Variants in SH3KBP1 observed in about 807,000 individuals in gnomAD.
SH3KBP1 encodes the protein SH3 domain containing kinase binding protein 1.
In SH3KBP1, 8 loss-of-function variants were observed where a neutral mutation model predicts 50.1. The observed-to-expected ratio is 0.16, with a 90% CI of 0.09 to 0.29. SH3KBP1 has a LOEUF of 0.29. Among genes scored for constraint, SH3KBP1 ranks in the 10% least tolerant of loss-of-function variants. The probability of loss-of-function intolerance (pLI) is 1.00; values close to 1 mark genes in which losing one functional copy is unlikely to be tolerated. For synonymous variants in SH3KBP1, 227 were observed against 218.6 expected (o/e 1.04, Z -0.34); for missense variants, 377 against 535.2 (o/e 0.70, Z 2.92).
intron 8 of SH3KBP1, among the ~76,000 whole-genome samples, chrX:19,628,263 C>A (rs182425407): frequency 1.6e-3 from 175 of 112,173 alleles, no homozygotes; most frequent in African/African-American, 5.3e-3. Context: ...GGCTCAGACA[C>A]AACAGCCCTT....
chrX:19,807,733 G>T (rs1396966240), intron 2 of SH3KBP1, among the ~76,000 whole-genome samples: 2 of 112,196 alleles, frequency 1.8e-5, no homozygotes, highest in African/African-American at 6.5e-5. Context: ...TCACAGAAAG[G>T]GCACTCAGTG....
chrX:19,632,628 G>C (rs1446488278), intron 7 of SH3KBP1, among the ~76,000 whole-genome samples: 1 of 112,599 alleles, frequency 8.9e-6, no homozygotes, highest in East Asian at 2.8e-4. Context: ...TCAGCAAAGA[G>C]ATGCAATAGC....
intron 4 of SH3KBP1, among the ~76,000 whole-genome samples, chrX:19,703,344 A>T (rs1210061869): frequency 9.0e-6 from 1 of 111,321 alleles, no homozygotes; most frequent in African/African-American, 3.3e-5. Context: ...ACTGTTGCCA[A>T]ATTTGGTGTG....
intron 2 of SH3KBP1, among the ~76,000 whole-genome samples, chrX:19,761,496 T>C (rs2148864031): frequency 9.0e-6 from 1 of 111,439 alleles, no homozygotes; most frequent in African/African-American, 3.3e-5. Flanking sequence ...AATATCAACA[T>C]TGCTACATTA....
chrX:19,875,775 G>A (rs1814356520), intron 1 of SH3KBP1, among the ~76,000 whole-genome samples: 1 of 112,632 alleles, frequency 8.9e-6, no homozygotes, highest in South Asian at 3.6e-4. Context: ...CAGGCATTTG[G>A]AACTGTGGCA....
chrX:19,673,749 A>G (rs1454927835), intron 6 of SH3KBP1, among the ~76,000 whole-genome samples: 1 of 111,127 alleles, frequency 9.0e-6, no homozygotes, highest in Non-Finnish European at 1.9e-5. Flanking sequence ...CAACTTGCCC[A>G]CCCACCCAGA....
chrX:19,543,006 G>A (rs751155607), intron 15 of SH3KBP1, among the ~76,000 whole-genome samples: 3 of 112,198 alleles, frequency 2.7e-5, no homozygotes, highest in East Asian at 2.8e-4. Context: ...CTTACACAAC[G>A]TAAGCTAGAA....
Position 19,770,172 on chromosome X carries a change from T to C in SH3KBP1, c.163-23731A>G, listed in dbSNP as rs186474357. 6.3e-5 allele frequency among the ~76,000 whole-genome samples: 7 copies of C among 111,838 alleles called. No homozygotes were observed. The Middle Eastern group carries it at 0.014, about 221-fold the overall frequency. On this transcript the variant is annotated intron_variant, in intron 2 of 17. Transcript: ENST00000397821. ...GGTACCAAGCCTAGTACTCAATAGTTATTTTTTCTGCTCTTCTCCCTCCTT... is the reference window on the plus strand; with the variant it reads ...GGTACCAAGCCTAGTACTCAATAGTCATTTTTTCTGCTCTTCTCCCTCCTT...
chrX:19,561,701 T>C (rs988519284), intron 13 of SH3KBP1, among the ~76,000 whole-genome samples: 11 of 111,851 alleles, frequency 9.8e-5, no homozygotes, highest in Non-Finnish European at 1.7e-4. Flanking sequence ...TAAGCTAAAT[T>C]TGTTCAATTT....
chrX:19,866,850 T>C (rs1185722443), intron 1 of SH3KBP1, among the ~76,000 whole-genome samples: 1 of 110,569 alleles, frequency 9.0e-6, no homozygotes, highest in Non-Finnish European at 1.9e-5. Flanking sequence ...ATTTTACCTA[T>C]ATTTTAGGCC....
At chrX:19,802,167 C>T (rs768421748) in intron 2 of SH3KBP1, among the ~76,000 whole-genome samples, 6 of 110,123 alleles carry the variant, frequency 5.4e-5, no homozygotes, top group Admixed American at 1.9e-4. Context: ...CCCAGGTGGG[C>T]GGATCACTTG....
At chrX:19,667,718 T>A (rs1430070590) in intron 6 of SH3KBP1, among the ~76,000 whole-genome samples, 2 of 110,430 alleles carry the variant, frequency 1.8e-5, no homozygotes, top group Non-Finnish European at 3.8e-5. Flanking sequence ...ATTCCACATA[T>A]CTGCAAGAGT....
chrX:19,611,658 A>G (rs1312137855), intron 8 of SH3KBP1, among the ~76,000 whole-genome samples: 2 of 111,683 alleles, frequency 1.8e-5, no homozygotes, highest in African/African-American at 6.5e-5. Context: ...CCGGCCCAGA[A>G]TAACTTTAGA....
intron 9 of SH3KBP1, among the ~76,000 whole-genome samples, chrX:19,602,303 T>C (rs1004478790): frequency 8.9e-6 from 1 of 111,766 alleles, no homozygotes; most frequent in African/African-American, 3.3e-5. Context: ...TAAAGGACCA[T>C]GGGTTCTTCA....
intron 5 of SH3KBP1, among the ~76,000 whole-genome samples, chrX:19,692,219 T>C (rs1341509842): frequency 2.7e-5 from 3 of 111,424 alleles, no homozygotes; most frequent in Non-Finnish European, 3.8e-5. Flanking sequence ...CTTTCCTTGA[T>C]AGACTAGATT....
In SH3KBP1 at chrX:19,768,502, T is replaced by C. The variant is rs757017270; in HGVS notation, c.163-22061A>G. Among the ~76,000 whole-genome samples the C allele has an allele frequency of 6.2e-5, 6 of 96,280 alleles. No individual in the cohort carries two copies. In the East Asian group the frequency reaches 1.9e-3, roughly 31 times the overall value. 83.6% of individuals were successfully genotyped at this position (96,280 alleles called of 115,157 possible). ...CCACTGACTCAGCCACACAACCAAA[T>C]GGCACATACCATGGGCATCCTAGAT... is the stretch of plus-strand genomic sequence containing the variant. On this transcript the variant is annotated intron_variant, in intron 2 of 17. Coordinates refer to ENST00000397821, the MANE Select transcript of SH3KBP1 (RefSeq NM_031892.3).
chrX:19,795,245 C>T (rs1023680440), intron 2 of SH3KBP1, among the ~76,000 whole-genome samples: 1 of 111,490 alleles, frequency 9.0e-6, no homozygotes, highest in African/African-American at 3.3e-5. Context: ...GTATCTTTTG[C>T]CAAGAATTAA....
intron 2 of SH3KBP1, among the ~76,000 whole-genome samples, chrX:19,828,481 GAAC>G (rs1228373431): frequency 2.7e-5 from 3 of 109,857 alleles, no homozygotes; most frequent in Non-Finnish European, 5.7e-5. Flanking sequence ...AAGACCAGCT[GAAC>G]AACATAGCAA....
intron 2 of SH3KBP1, among the ~76,000 whole-genome samples, chrX:19,829,311 A>G (rs2067787335): frequency 8.9e-6 from 1 of 112,144 alleles, no homozygotes; most frequent in African/African-American, 3.2e-5. Flanking sequence ...CATATATTGT[A>G]TGACTCCATT....
Sources: allele counts gnomAD v4.1 joint callset (sites outside exome capture counted in the v4.1 genomes callset), GRCh38; gene constraint gnomAD v4.1.1; transcripts MANE v1.5; gene names NCBI Gene and HGNC (gene_info 2026-07-23, HGNC 2026-07-21).